Variants in HOXB3 observed in about 807,000 individuals in gnomAD.
The protein encoded by HOXB3 is homeobox protein Hox-B3.
HOXB3 carries 17 observed loss-of-function variants against 29.2 expected under a neutral mutation model. That is an observed-to-expected ratio of 0.58 (90% confidence interval 0.40 to 0.87). The LOEUF (loss-of-function observed/expected upper bound fraction) is 0.87. HOXB3 is among the 40% of genes least tolerant of loss of function. The pLI is 0.00. For synonymous variants in HOXB3, 317 were observed against 285.9 expected, an observed-to-expected ratio of 1.11 and a Z score of -1.10; for missense variants, 637 against 616.3, an observed-to-expected ratio of 1.03 and a Z score of -0.35.
In HOXB3 at chr17:48,554,512, CG is replaced by C; in HGVS notation, c.-159+1018del. The C allele has an allele frequency of 1.6e-6, 1 of 641,330 alleles. No individual in the cohort carries two copies. The allele number at this position is 641,330 out of a possible 1,614,324, so 39.7% of individuals were successfully genotyped here. A position where few individuals can be genotyped will look rare whatever the true frequency, so the allele number is the denominator to read the frequency against. ...CGATAGGAAAGAATGGAGACTCCGC[CG>C]GTGGTGCAGACAGGGCTGGGAAGGT... On this transcript the variant is annotated intron_variant, in intron 3 of 4. Transcript: ENST00000498678. The surrounding 1 kb of genome is among the most constrained non-coding windows in gnomAD (Gnocchi z 4.1).
chr17:48,565,910 G>A (rs373261056), intron 2 of HOXB3, among the ~76,000 whole-genome samples: 13 of 152,280 alleles, frequency 8.5e-5, no homozygotes, highest in Admixed American at 5.9e-4. Context: ...AAGGGATCCT[G>A]CTGCTTGTTC....
intron 3 of HOXB3, 162 bp downstream of exon 3, chr17:48,555,361 AGAGGGAGG>A (rs1331835445): frequency 0.021 from 8,481 of 403,898 alleles, 256 homozygotes; most frequent in Non-Finnish European, 0.023. Context: ...AGAGAGAGAG[AGAGGGAGG>A]GAGGGAGGGA....
chr17:48,560,444 GAAGT>G (rs1441864600), intron 2 of HOXB3: 1 of 151,980 alleles, frequency 6.6e-6, no homozygotes, highest in East Asian at 1.9e-4. Context: ...TAGGCTTTAG[GAAGT>G]GGATTATCTG....
intron 2 of HOXB3, among the ~76,000 whole-genome samples, chr17:48,557,737 A>G (rs1361845355): frequency 6.6e-6 from 1 of 152,064 alleles, no homozygotes; most frequent in East Asian, 1.9e-4. Flanking sequence ...TTCTGTGTTT[A>G]TTAGCTATTA....
In HOXB3 at chr17:48,554,296, G is replaced by A. The variant is rs1232725929; in HGVS notation, c.-159+1235C>T. On this transcript the variant is annotated intron_variant, in intron 3 of 4. Coordinates refer to ENST00000498678, the MANE Select transcript of HOXB3 (RefSeq NM_001384749.1). This position sits in a 1 kb window ranked among gnomAD's most constrained non-coding sequence, Gnocchi z 4.1. ...AACGTTGGAGGGGGTTGGCTGGCTA[G>A]GCCCTGGCTTTATTTAGTCTGATTG... 1.5e-5 allele frequency: 4 copies of A among 260,136 alleles called. No individual in the cohort carries two copies. The highest frequency in any genetic ancestry group is 3.0e-5 in the Non-Finnish European group (4 of 135,276). The allele number at this position is 260,136 out of a possible 1,614,324, so 16.1% of individuals were successfully genotyped here. A position where few individuals can be genotyped will look rare whatever the true frequency, so the allele number is the denominator to read the frequency against.
chr17:48,569,891 A>G (rs1056865310), intron 2 of HOXB3, among the ~76,000 whole-genome samples: 3 of 152,198 alleles, frequency 2.0e-5, no homozygotes, highest in Non-Finnish European at 2.9e-5. Flanking sequence ...TGTTACTACT[A>G]TAGGAAATCA....
chr17:48,558,152 T>C (rs1017231968), intron 2 of HOXB3, among the ~76,000 whole-genome samples: 5 of 152,238 alleles, frequency 3.3e-5, no homozygotes, highest in African/African-American at 1.2e-4. Context: ...GAGAACCTGA[T>C]CGCTTTTGGG....
chr17:48,561,946 G>C (rs1265959227), intron 2 of HOXB3, among the ~76,000 whole-genome samples: 1 of 152,168 alleles, frequency 6.6e-6, no homozygotes, highest in Admixed American at 6.5e-5. Context: ...TGAGTGACAA[G>C]AAGTAATAAA....
chr17:48,576,400 A>C, intron 1 of HOXB3: 3 of 236,044 alleles, frequency 1.3e-5, no homozygotes, highest in African/African-American at 2.3e-5. Flanking sequence ...GAAAACGAGG[A>C]GCTGCAGCCT....
intron 2 of HOXB3, among the ~76,000 whole-genome samples, chr17:48,572,577 G>A (rs1312528862): frequency 6.6e-6 from 1 of 152,150 alleles, no homozygotes; most frequent in Non-Finnish European, 1.5e-5. Context: ...AGATGAACTG[G>A]ACCTGGGAGT....
chr17:48,573,331 G>A (rs2069648079), intron 2 of HOXB3, among the ~76,000 whole-genome samples: 1 of 152,182 alleles, frequency 6.6e-6, no homozygotes, highest in Non-Finnish European at 1.5e-5. Context: ...TCCAAAGCTG[G>A]AACATTCCAT....
At chr17:48,577,925 G>C in intron 1 of HOXB3, 1 of 1,371,268 alleles carries the variant, frequency 7.3e-7, no homozygotes, top group South Asian at 2.1e-5. Context: ...CGCGGAGTGG[G>C]ACGGGCTGGG....
intron 2 of HOXB3, chr17:48,557,449 A>C (rs533726474): frequency 1.3e-5 from 2 of 152,298 alleles, no homozygotes; most frequent in East Asian, 3.9e-4. Context: ...CTCCCCACTC[A>C]CAGGCTCTAC....
chr17:48,578,285 T>C lies in HOXB3; in HGVS notation c.-424-4271A>G, dbSNP rs1273759894. The C allele has an allele frequency of 5.0e-6, 8 of 1,611,704 alleles. No homozygotes were observed. In the East Asian group the frequency reaches 1.3e-4, roughly 27 times the overall value. On this transcript the variant is annotated intron_variant, in intron 1 of 4. Transcript: ENST00000498678. ...GCATGGAGGGAACTTGGGGTCGACA[T>C]AGTTTGAGTTGATCAAAAAAGAACT... is the stretch of plus-strand genomic sequence containing the variant.
Position 48,552,366 on chromosome 17 carries a change from A to ATGGGGGT in HOXB3, c.102_108dup (p.Phe37ThrfsTer67). Reference sequence around the variant, plus strand: ...CCCTCCAGGTGCGTGGCGGCCTGAAATGGGGGTTGGGGGGGGACATCGAAG... The same window carrying ATGGGGGT: ...CCCTCCAGGTGCGTGGCGGCCTGAAATGGGGGTTGGGGGTTGGGGGGGGACATCGAAG... On this transcript the variant is annotated frameshift_variant, in exon 4 of 5. Transcript: ENST00000498678. LOFTEE classifies it high-confidence loss of function. The ATGGGGGT allele has an allele frequency of 6.2e-7, 1 of 1,613,716 alleles. No homozygotes were observed. The highest frequency in any genetic ancestry group is 8.5e-7 in the Non-Finnish European group (1 of 1,179,796).
In HOXB3 at chr17:48,552,038, G is replaced by C. The variant is rs779723257; in HGVS notation, c.437C>G (p.Ser146Cys). 6.3e-7 allele frequency: 1 copy of C among 1,577,270 alleles called. No individual in the cohort carries two copies. Among genetic ancestry groups the C allele is most frequent in the South Asian group, 1.2e-5 (1 of 85,552 alleles). ...SRQTSKLKNN[S>C]PGTAEGCGGG... Reference sequence around the variant, plus strand: ...CAGAGAACTGGTACCTGTGCCGGGGGAGTTGTTTTTCAGCTTGGACGTTTG... The same window carrying C: ...CAGAGAACTGGTACCTGTGCCGGGGCAGTTGTTTTTCAGCTTGGACGTTTG... The change falls in exon 4 of 5, where the codon TCC (serine) becomes TGC (cysteine). Residue 146 changes from serine (S) to cysteine (C), a missense_variant. By Grantham distance (112) the Ser-to-Cys change is moderately radical. Transcript: ENST00000498678.
At chr17:48,555,663 C>T (rs1343468159) in intron 2 of HOXB3, 45 bp from the exon 3 acceptor site, 2 of 689,992 alleles carry the variant, frequency 2.9e-6, no homozygotes, top group East Asian at 2.7e-5. Flanking sequence ...AGCTGCGTCG[C>T]CCCCCGCCCC....
chr17:48,550,256 A>G lies in HOXB3; in HGVS notation c.*78T>C, dbSNP rs142560479. ...ACCACCTTCTCTGGCTCCTCTTTTCAGACCTCCAGGTTGCCCCCCAGAGCT... is the reference window on the plus strand; with the variant it reads ...ACCACCTTCTCTGGCTCCTCTTTTCGGACCTCCAGGTTGCCCCCCAGAGCT... On this transcript the variant is annotated 3_prime_UTR_variant, in exon 5 of 5. Transcript: ENST00000498678. 232 of 1,583,526 alleles carry G rather than the reference A, an allele frequency of 1.5e-4. 2 individuals are homozygous for G. In the African/African-American group the frequency reaches 2.4e-3, roughly 16 times the overall value.
chr17:48,573,420 C>A (rs994772791), intron 2 of HOXB3, among the ~76,000 whole-genome samples: 33 of 152,302 alleles, frequency 2.2e-4, no homozygotes, highest in African/African-American at 7.2e-4. Context: ...GACACCAGTA[C>A]CCAGTGTAGA....
Sources: allele counts gnomAD v4.1 joint callset (sites outside exome capture counted in the v4.1 genomes callset), GRCh38; gene constraint gnomAD v4.1.1; non-coding constraint Gnocchi (gnomAD v3.1); transcripts MANE v1.5; gene names NCBI Gene and HGNC (gene_info 2026-07-23, HGNC 2026-07-21).